MEOX2: variants seen among roughly 807,000 people sequenced by gnomAD.
MEOX2 encodes mesenchyme homeobox 2.
Under a neutral mutation model 27.0 loss-of-function variants are expected in MEOX2, and 11 were observed. The ratio of observed to expected loss-of-function variants is 0.41; its 90% CI spans 0.26 to 0.68. The LOEUF (loss-of-function observed/expected upper bound fraction) is 0.68. MEOX2 is among the 30% of genes least tolerant of loss of function. The pLI is 0.33. For synonymous variants in MEOX2, 189 were observed against 155.4 expected, an observed-to-expected ratio of 1.22 and a Z score of -1.61; for missense variants, 436 against 385.4, an observed-to-expected ratio of 1.13 and a Z score of -1.10.
At chr7:15,649,981 T>C (rs1781711227) in intron 1 of MEOX2, among the ~76,000 whole-genome samples, 1 of 152,042 alleles carries the variant, frequency 6.6e-6, no homozygotes, top group African/African-American at 2.4e-5. Flanking sequence ...ACAAAGCAAT[T>C]TGGTCCAAAC....
chr7:15,634,240 A>G lies in MEOX2; in HGVS notation c.518-7322T>C, dbSNP rs190274110. 1.9e-3 allele frequency among the ~76,000 whole-genome samples: 286 copies of G among 151,990 alleles called. 1 individual carries two copies. The highest frequency in any genetic ancestry group is 6.5e-3 in the African/African-American group (271 of 41,516). On this transcript the variant is annotated intron_variant, in intron 1 of 2. Coordinates refer to ENST00000262041, the MANE Select transcript of MEOX2 (RefSeq NM_005924.5). ...TTTTGGATTGGATAATTCTTGTTAC[A>G]TTTGTATTCAATGAAACATAAACAT...
chr7:15,636,356 A>G (rs1335860003), intron 1 of MEOX2, among the ~76,000 whole-genome samples: 1 of 152,028 alleles, frequency 6.6e-6, no homozygotes, highest in Non-Finnish European at 1.5e-5. Context: ...TCAAAGTATA[A>G]TAAACAAATT....
intron 1 of MEOX2, among the ~76,000 whole-genome samples, chr7:15,658,614 T>G (rs900991362): frequency 1.4e-4 from 22 of 152,176 alleles, no homozygotes; most frequent in African/African-American, 5.3e-4. Flanking sequence ...GTACGTATGT[T>G]GAAATCTCTA....
intron 1 of MEOX2, chr7:15,680,681 A>T (rs983031767): frequency 2.0e-5 from 3 of 151,908 alleles, no homozygotes; most frequent in Non-Finnish European, 2.9e-5. Flanking sequence ...TTATATTTAC[A>T]ATCTTTACAA....
intron 2 of MEOX2, among the ~76,000 whole-genome samples, chr7:15,621,297 T>C (rs1781219871): frequency 6.6e-6 from 1 of 152,252 alleles, no homozygotes; most frequent in Non-Finnish European, 1.5e-5. Context: ...ATTAAAATAT[T>C]TGAAGCTCAG....
chr7:15,656,301 C>G (rs1781819524), intron 1 of MEOX2, among the ~76,000 whole-genome samples: 1 of 151,830 alleles, frequency 6.6e-6, no homozygotes, highest in African/African-American at 2.4e-5. Flanking sequence ...GTTTTTTAAA[C>G]CACTCTATCA....
At chr7:15,616,506 G>A (rs1031151522) in intron 2 of MEOX2, among the ~76,000 whole-genome samples, 4 of 151,608 alleles carry the variant, frequency 2.6e-5, no homozygotes, top group African/African-American at 9.7e-5. Flanking sequence ...ATTAATGTAG[G>A]ACAGTAGTCA....
chr7:15,664,233 G>C (rs1781961527), intron 1 of MEOX2, among the ~76,000 whole-genome samples: 1 of 152,082 alleles, frequency 6.6e-6, no homozygotes, highest in Non-Finnish European at 1.5e-5. Flanking sequence ...ATTTAATTTT[G>C]GGATATGCTT....
Position 15,686,343 on chromosome 7 carries a change from G to C in MEOX2, c.60C>G (p.His20Gln), listed in dbSNP as rs568178264. The C allele has an allele frequency of 5.6e-6, 9 of 1,599,574 alleles. No individual in the cohort carries two copies. The highest frequency in any genetic ancestry group is 7.7e-6 in the Non-Finnish European group (9 of 1,172,584). The change falls in exon 1 of 3, where the codon CAC (histidine) becomes CAG (glutamine). Residue 20 changes from histidine to glutamine, a missense_variant. By Grantham distance (24) the His-to-Gln change is conservative. Coordinates refer to ENST00000262041, the MANE Select transcript of MEOX2 (RefSeq NM_005924.5). ...GGGCGAGAGAGGATTGGGAGAACGG[G>C]TGCAAGCCTTGCGCCGTGGCGTGAG... The part of the protein sequence containing the change: ...RSPHATAQGL[H>Q]PFSQSSLALH...
intron 1 of MEOX2, among the ~76,000 whole-genome samples, chr7:15,632,689 C>G (rs1398036780): frequency 6.6e-6 from 1 of 151,902 alleles, no homozygotes; most frequent in African/African-American, 2.4e-5. Flanking sequence ...TTTGATTCTT[C>G]TAACTACCAA....
intron 1 of MEOX2, among the ~76,000 whole-genome samples, chr7:15,630,187 T>C (rs1781380138): frequency 6.6e-6 from 1 of 152,062 alleles, no homozygotes; most frequent in African/African-American, 2.4e-5. Flanking sequence ...TGTTCAGGTA[T>C]GGTTGGCAGT....
At chr7:15,641,361 T>TTTTG (rs199726252) in intron 1 of MEOX2, among the ~76,000 whole-genome samples, 90 of 152,186 alleles carry the variant, frequency 5.9e-4, no homozygotes, top group East Asian at 5.6e-3. Context: ...CTTCCTTGTT[T>TTTTG]TTTGTTTGTT....
At chr7:15,654,249 A>T (rs968109266) in intron 1 of MEOX2, among the ~76,000 whole-genome samples, 1 of 151,922 alleles carries the variant, frequency 6.6e-6, no homozygotes, top group African/African-American at 2.4e-5. Context: ...TTGTATGTTT[A>T]TCTTTATTCC....
At chr7:15,671,834 A>C (rs1328516840) in intron 1 of MEOX2, among the ~76,000 whole-genome samples, 1 of 152,174 alleles carries the variant, frequency 6.6e-6, no homozygotes, top group Non-Finnish European at 1.5e-5. Context: ...CGAAGTGCTT[A>C]TCACTTGAGG....
chr7:15,640,766 G>A (rs992106843), intron 1 of MEOX2, among the ~76,000 whole-genome samples: 1 of 152,044 alleles, frequency 6.6e-6, no homozygotes, highest in Non-Finnish European at 1.5e-5. Context: ...TGCTTTTTCT[G>A]CATCTACTGA....
chr7:15,632,383 G>A (rs922144350), intron 1 of MEOX2, among the ~76,000 whole-genome samples: 2 of 151,706 alleles, frequency 1.3e-5, no homozygotes, highest in Non-Finnish European at 2.9e-5. Flanking sequence ...AGATTTTAAT[G>A]TGTCATTTTG....
chr7:15,621,710 T>C (rs1037696668), intron 2 of MEOX2, among the ~76,000 whole-genome samples: 1 of 152,234 alleles, frequency 6.6e-6, no homozygotes, highest in Non-Finnish European at 1.5e-5. Context: ...ACATCAGTGA[T>C]AGACATGCAC....
rs565087562 is a variant in MEOX2, at chr7:15,667,430, T to C, written c.517+18456A>G. Among the ~76,000 whole-genome samples, 15 of 152,220 alleles carry C rather than the reference T, an allele frequency of 9.9e-5. No individual in the cohort carries two copies. In the South Asian group the frequency reaches 2.1e-3, roughly 21 times the overall value. ...GCATTATTATACCCTCTGTCACAGA[T>C]TGTCACCATTTGTTTCCATCTTTGG... On this transcript the variant is annotated intron_variant, in intron 1 of 2. Coordinates refer to ENST00000262041, the MANE Select transcript of MEOX2 (RefSeq NM_005924.5).
intron 1 of MEOX2, 92 bp from the exon 2 acceptor site, chr7:15,627,010 A>C: frequency 7.8e-7 from 1 of 1,274,694 alleles, no homozygotes; most frequent in Admixed American, 1.8e-5. Context: ...CTACTTTTCC[A>C]GGTACTGCGC....
Sources: allele counts gnomAD v4.1 joint callset (sites outside exome capture counted in the v4.1 genomes callset), GRCh38; gene constraint gnomAD v4.1.1; transcripts MANE v1.5; gene names NCBI Gene and HGNC (gene_info 2026-07-23, HGNC 2026-07-21).